CCDC102B: variants seen among roughly 807,000 people sequenced by gnomAD.
CCDC102B encodes the protein coiled-coil domain-containing protein 102B.
CCDC102B carries 75 observed loss-of-function variants against 57.4 expected under a neutral mutation model. That is an observed-to-expected ratio of 1.31 (90% CI 1.08 to 1.58). CCDC102B has a LOEUF of 1.58. Ranked by LOEUF, CCDC102B falls within the 40% of genes most tolerant of loss-of-function variation. CCDC102B has a pLI of 0.00. For missense variants in CCDC102B, 636 were observed against 582.6 expected (o/e 1.09, Z -0.94); for synonymous variants, 206 against 201.9 (o/e 1.02, Z -0.17).
chr18:68,897,548 C>T, intron 6 of CCDC102B, 120 bp downstream of exon 6: 1 of 1,551,482 alleles, frequency 6.4e-7, no homozygotes, highest in Admixed American at 1.7e-5. Context: ...CCAGCTAATA[C>T]CTGATACTCC....
intron 2 of CCDC102B, among the ~76,000 whole-genome samples, chr18:68,762,300 T>G (rs1046881988): frequency 2.0e-5 from 3 of 152,152 alleles, no homozygotes; most frequent in African/African-American, 7.2e-5. Flanking sequence ...TTGCCTTAAA[T>G]GTATTGTTGT....
At chr18:68,823,079 T>A (rs2036759805) in intron 1 of CCDC102B, among the ~76,000 whole-genome samples, 1 of 152,150 alleles carries the variant, frequency 6.6e-6, no homozygotes, top group Non-Finnish European at 1.5e-5. Flanking sequence ...AGGACCAGGC[T>A]CCATTTCAGC....
chr18:68,883,971 G>A (rs187711503), intron 5 of CCDC102B, among the ~76,000 whole-genome samples: 1 of 152,036 alleles, frequency 6.6e-6, no homozygotes, highest in Non-Finnish European at 1.5e-5. Flanking sequence ...TTAACATCCG[G>A]TAGAAAGTTT....
chr18:68,988,912 C>T (rs2050794213), intron 6 of CCDC102B, among the ~76,000 whole-genome samples: 6 of 152,170 alleles, frequency 3.9e-5, no homozygotes, highest in Admixed American at 3.9e-4. Context: ...GCGTGGACAA[C>T]TTTTATGCTA....
chr18:68,808,514 T>G (rs2036120151), intron 1 of CCDC102B, among the ~76,000 whole-genome samples: 1 of 149,312 alleles, frequency 6.7e-6, no homozygotes, highest in Admixed American at 6.7e-5. Context: ...GTCTCGCTCT[T>G]TCGGCCAGGC....
At chr18:69,044,299 T>C (rs1194138348) in intron 7 of CCDC102B, among the ~76,000 whole-genome samples, 2 of 152,130 alleles carry the variant, frequency 1.3e-5, no homozygotes, top group Admixed American at 6.6e-5. Context: ...ATTAATACAA[T>C]ATTCTCATTT....
At chr18:68,963,833 A>G (rs910347754) in intron 6 of CCDC102B, among the ~76,000 whole-genome samples, 16 of 151,844 alleles carry the variant, frequency 1.1e-4, no homozygotes, top group African/African-American at 3.9e-4. Context: ...GTATGTATGC[A>G]TGCATGTACT....
intron 6 of CCDC102B, among the ~76,000 whole-genome samples, chr18:69,006,208 T>C (rs769917224): frequency 1.3e-5 from 2 of 152,126 alleles, no homozygotes; most frequent in Non-Finnish European, 2.9e-5. Context: ...TAAAAGATAC[T>C]GCGATTTTAG....
intron 1 of CCDC102B, among the ~76,000 whole-genome samples, chr18:68,824,350 A>T (rs945788245): frequency 1.3e-5 from 2 of 152,122 alleles, no homozygotes; most frequent in Admixed American, 1.3e-4. Context: ...TTTTTCACAG[A>T]TCGGATGGTT....
At chr18:68,745,459 A>ATTT (rs5825871) in intron 2 of CCDC102B, among the ~76,000 whole-genome samples, 10 of 151,828 alleles carry the variant, frequency 6.6e-5, no homozygotes, top group South Asian at 2.1e-4. Flanking sequence ...TAAAAAATTA[A>ATTT]TTTTTTTAAT....
intron 4 of CCDC102B, among the ~76,000 whole-genome samples, chr18:68,861,217 C>G (rs2038737429): frequency 6.6e-6 from 1 of 151,512 alleles, no homozygotes; most frequent in Non-Finnish European, 1.5e-5. Context: ...TTTTGTCAAG[C>G]TAAGAGGAAC....
intron 7 of CCDC102B, among the ~76,000 whole-genome samples, chr18:69,041,590 A>T (rs148376608): frequency 6.6e-6 from 1 of 152,080 alleles, no homozygotes; most frequent in Non-Finnish European, 1.5e-5. Context: ...TAACTCCTTT[A>T]TATGCCCCCA....
intron 2 of CCDC102B, among the ~76,000 whole-genome samples, chr18:68,780,885 A>G (rs2034985375): frequency 2.0e-5 from 3 of 152,118 alleles, no homozygotes; most frequent in Middle Eastern, 3.2e-3. Context: ...ACAATAACAT[A>G]ATTATAATCA....
intron 1 of CCDC102B, among the ~76,000 whole-genome samples, chr18:68,826,630 G>A (rs763125908): frequency 2.6e-5 from 4 of 152,076 alleles, no homozygotes; most frequent in African/African-American, 9.7e-5. Flanking sequence ...CATTTTAGAA[G>A]TGTGTCTATA....
chr18:68,769,354 C>T (rs2144609364), intron 2 of CCDC102B, among the ~76,000 whole-genome samples: 1 of 152,184 alleles, frequency 6.6e-6, no homozygotes, highest in African/African-American at 2.4e-5. Context: ...ATCAGGAAGG[C>T]TTCACCTACT....
intron 6 of CCDC102B, among the ~76,000 whole-genome samples, chr18:68,905,332 GATAA>G (rs1427202601): frequency 6.7e-6 from 1 of 148,216 alleles, no homozygotes; most frequent in African/African-American, 2.5e-5. Flanking sequence ...AAAATAATGA[GATAA>G]ATAATTATTT....
At chr18:68,735,697 T>C (rs9959894) in intron 2 of CCDC102B, among the ~76,000 whole-genome samples, 30,719 of 152,072 alleles carry the variant, frequency 0.2, 4,385 homozygotes, top group African/African-American at 0.4. Context: ...TCTTACCAGG[T>C]GTCCTCATCA....
At chr18:68,921,429 T>C (rs993833181) in intron 6 of CCDC102B, among the ~76,000 whole-genome samples, 1 of 152,226 alleles carries the variant, frequency 6.6e-6, no homozygotes, top group African/African-American at 2.4e-5. Flanking sequence ...TTTTAGTCAC[T>C]GGAACTGTCA....
chr18:69,004,208 G>C (rs1377599689), intron 6 of CCDC102B, among the ~76,000 whole-genome samples: 1 of 152,144 alleles, frequency 6.6e-6, no homozygotes, highest in Non-Finnish European at 1.5e-5. Context: ...CTGTTACCTG[G>C]GAAGCAGATT....
Sources: allele counts gnomAD v4.1 joint callset (sites outside exome capture counted in the v4.1 genomes callset), GRCh38; gene constraint gnomAD v4.1.1; transcripts MANE v1.5; gene names NCBI Gene and HGNC (gene_info 2026-07-23, HGNC 2026-07-21).